Variants in TNIP1 observed in about 807,000 individuals in gnomAD.
TNIP1 encodes TNFAIP3-interacting protein 1.
Under a neutral mutation model 86.6 loss-of-function variants are expected in TNIP1, and 22 were observed. The observed-to-expected ratio is 0.25, with a 90% CI of 0.18 to 0.36. The LOEUF is 0.36. TNIP1 is among the 10% of genes least tolerant of loss of function. The probability of loss-of-function intolerance (pLI) is 1.00; values close to 1 mark genes in which losing one functional copy is unlikely to be tolerated. For missense variants in TNIP1, 709 were observed against 820.6 expected, an observed-to-expected ratio of 0.86 and a Z score of 1.66; for synonymous variants, 294 against 313.0, an observed-to-expected ratio of 0.94 and a Z score of 0.64.
intron 12 of TNIP1, chr5:151,037,503 AG>A (rs1445851133): frequency 1.3e-5 from 2 of 152,388 alleles, no homozygotes; most frequent in East Asian, 3.9e-4. Context: ...ATTTCTGCTT[AG>A]TTAATATTTT....
intron 7 of TNIP1, 92 bp downstream of exon 7, chr5:151,052,073 C>T (rs775223838): frequency 1.3e-5 from 15 of 1,155,792 alleles, no homozygotes; most frequent in Non-Finnish European, 1.9e-5. Context: ...GCCTCAGAGC[C>T]ACGGTCCTCA....
intron 1 of TNIP1, among the ~76,000 whole-genome samples, 166 bp downstream of exon 1, chr5:151,080,714 C>A (rs71586195): frequency 3.9e-5 from 6 of 152,220 alleles, no homozygotes; most frequent in Non-Finnish European, 1.5e-5. Context: ...AGTAGCGGCT[C>A]AGCCCGGCTT....
rs184981184 is a variant in TNIP1, at chr5:151,086,496, G to A, written c.-37+589C>T. 6.6e-5 allele frequency among the ~76,000 whole-genome samples: 10 copies of A among 152,234 alleles called. No individual in the cohort carries two copies. The East Asian group carries it at 9.7e-4, about 15-fold the overall frequency. On this transcript the variant is annotated intron_variant, in intron 1 of 17. Transcript: ENST00000315050. ...ACTATGTTCCCCTGGAGGCAGCGCC[G>A]ATTCTTGGCCTCTTCCTATCTAGCT...
At chr5:151,052,391 C>T in intron 6 of TNIP1, 132 bp from the exon 7 acceptor site, 1 of 716,464 alleles carries the variant, frequency 1.4e-6, no homozygotes, top group African/African-American at 1.8e-5. Context: ...CTGGCCTCAC[C>T]CCATCCCTCT....
chr5:151,039,379 C>T (rs982568725), intron 11 of TNIP1, among the ~76,000 whole-genome samples, 154 bp from the exon 12 acceptor site: 2 of 152,258 alleles, frequency 1.3e-5, no homozygotes, highest in East Asian at 1.9e-4. Flanking sequence ...CAGTAATGTC[C>T]ATCCGGTCCT....
intron 1 of TNIP1, among the ~76,000 whole-genome samples, chr5:151,069,160 G>T (rs1336338779): frequency 6.6e-6 from 1 of 152,236 alleles, no homozygotes; most frequent in Admixed American, 6.5e-5. Context: ...GGGTGGCAGG[G>T]AGGCAGTAGT....
At chr5:151,084,552 GT>G (rs544078360), upstream of TNIP1, among the ~76,000 whole-genome samples, 83 of 152,200 alleles carry the variant, frequency 5.5e-4, no homozygotes, top group East Asian at 0.015. Context: ...GAGGTCTTAC[GT>G]TGAGTTTGTG....
intron 11 of TNIP1, among the ~76,000 whole-genome samples, chr5:151,042,075 G>A (rs1041971963): frequency 2.6e-5 from 4 of 151,940 alleles, no homozygotes; most frequent in African/African-American, 9.7e-5. Context: ...TGAGTAGCTG[G>A]AATTACAGGT....
intron 5 of TNIP1, among the ~76,000 whole-genome samples, chr5:151,057,312 G>C (rs924445223): frequency 1.3e-5 from 2 of 152,106 alleles, no homozygotes; most frequent in African/African-American, 4.8e-5. Context: ...GTTCTTAGGA[G>C]GATGAATTGA....
intron 5 of TNIP1, 32 bp downstream of exon 5, chr5:151,060,285 AG>A: frequency 6.2e-7 from 1 of 1,611,252 alleles, no homozygotes. Context: ...AGAGGGCAGC[AG>A]GTCAAGCCCG....
intron 7 of TNIP1, 149 bp from the exon 8 acceptor site, chr5:151,050,096 A>C: frequency 7.5e-7 from 1 of 1,327,114 alleles, no homozygotes; most frequent in African/African-American, 1.5e-5. Flanking sequence ...AAAACCAAAA[A>C]GGGCATCTTC....
rs74485595 is a variant in TNIP1 at position 151,049,472 on chromosome 5, C to T, written c.846+352G>A. On this transcript the variant is annotated intron_variant, in intron 8 of 17. Coordinates refer to ENST00000521591, the MANE Select transcript of TNIP1 (RefSeq NM_006058.5). Reference sequence around the variant, plus strand: ...AGGAATATCAAAGATGTTAAACTGACTTTTGGGAACCACTCTCTAAGACAG... The same window carrying T: ...AGGAATATCAAAGATGTTAAACTGATTTTTGGGAACCACTCTCTAAGACAG... 9.7e-4 allele frequency among the ~76,000 whole-genome samples: 148 copies of T among 152,286 alleles called. No individual in the cohort carries two copies. In the East Asian group the frequency reaches 0.026, roughly 27 times the overall value.
chr5:151,075,281 G>A (rs1425936116), intron 1 of TNIP1, among the ~76,000 whole-genome samples: 10 of 152,150 alleles, frequency 6.6e-5, no homozygotes, highest in Non-Finnish European at 1.5e-5. Context: ...AGGTGCCTGC[G>A]TGTTACCCTC....
rs1183886992 is a variant in TNIP1 at position 151,059,860 on chromosome 5, TGTGTGTGCGCGCGCGC to T, written c.435+442_435+457del. Among the ~76,000 whole-genome samples the T allele has an allele frequency of 2.2e-3, 214 of 97,314 alleles. 6 individuals carry two copies. The highest frequency in any genetic ancestry group is 0.02 in the East Asian group (59 of 2,944). 63.8% of individuals were successfully genotyped at this position (97,314 alleles called of 152,430 possible). On this transcript the variant is annotated intron_variant, in intron 5 of 17. Transcript: ENST00000521591. ...GTGTGTGTGTGTGTGTGTGTGTGTG[TGTGTGTGCGCGCGCGC>T]GCGCGCATGCGTGTAAGTGGAAAGT...
Position 151,045,870 on chromosome 5 carries a change from C to T in TNIP1, c.927G>A (p.Gln309=), listed in dbSNP as rs1200390108. 2 of 1,614,046 alleles carry T rather than the reference C, an allele frequency of 1.2e-6. No individual in the cohort carries two copies. The highest frequency in any genetic ancestry group is 1.3e-5 in the African/African-American group (1 of 75,058). The change falls in exon 9 of 18, where the codon CAG becomes CAA. Residue 309 remains glutamine, a synonymous_variant. Coordinates refer to ENST00000521591, the MANE Select transcript of TNIP1 (RefSeq NM_006058.5). The part of the protein sequence containing the change: ...AEKKVKMLEQ[Q]RSELLEVNKQ... ...CACCTCGGCCACCTACCTCACTGCG[C>T]TGCTGCTCCAGCATCTTCACCTTCT...
At chr5:151,041,885 G>A (rs986892213) in intron 11 of TNIP1, among the ~76,000 whole-genome samples, 1 of 150,622 alleles carries the variant, frequency 6.6e-6, no homozygotes, top group African/African-American at 2.4e-5. Context: ...TCACTATGCT[G>A]AACACTTGGC....
chr5:151,060,589 G>T (rs896618226), intron 4 of TNIP1, among the ~76,000 whole-genome samples, 194 bp from the exon 5 acceptor site: 2 of 152,218 alleles, frequency 1.3e-5, no homozygotes, highest in African/African-American at 4.8e-5. Context: ...TGCATAATGT[G>T]AGGTCATATC....
chr5:151,043,053 T>A (rs1758657539), intron 9 of TNIP1, 92 bp from the exon 10 acceptor site: 11 of 1,325,190 alleles, frequency 8.3e-6, no homozygotes, highest in Non-Finnish European at 1.2e-5. Flanking sequence ...TCCCAAGGTG[T>A]GCTCGGTGTG....
Position 151,071,374 on chromosome 5 carries a change from G to A in TNIP1, c.-36-6243C>T, listed in dbSNP as rs74581736. Among the ~76,000 whole-genome samples the A allele has an allele frequency of 7.5e-3, 1,144 of 152,194 alleles. 11 individuals carry two copies. Among genetic ancestry groups the A allele is most frequent in the African/African-American group, 0.026 (1,071 of 41,494 alleles). On this transcript the variant is annotated intron_variant, in intron 1 of 17. Transcript: ENST00000521591. ...GGATCTAGTCAAGGTACACTAGGGC[G>A]AACATCTTAACCCTCACTAGGCCTC...
Sources: allele counts gnomAD v4.1 joint callset (sites outside exome capture counted in the v4.1 genomes callset), GRCh38; gene constraint gnomAD v4.1.1; transcripts MANE v1.5; gene names NCBI Gene and HGNC (gene_info 2026-07-23, HGNC 2026-07-21).